Variants in TENM4 observed in about 807,000 individuals in gnomAD.
The protein encoded by TENM4 is teneurin-4.
A neutral mutation model predicts 243.3 loss-of-function variants in TENM4; 82 were observed. That is an observed-to-expected ratio of 0.34 (90% CI 0.28 to 0.40). The LOEUF (loss-of-function observed/expected upper bound fraction) is 0.40, where lower values mean the gene tolerates loss of function less well. Ranked by LOEUF, TENM4 falls within the 10% of genes least tolerant of loss-of-function variation. The pLI is 1.00. For synonymous variants in TENM4, 1,412 were observed against 1,456.3 expected, an observed-to-expected ratio of 0.97 and a Z score of 0.69; for missense variants, 3,138 against 3,673.3, an observed-to-expected ratio of 0.85 and a Z score of 3.77.
intron 6 of TENM4, among the ~76,000 whole-genome samples, chr11:79,034,491 A>G (rs149551901): frequency 2.8e-4 from 42 of 152,362 alleles, no homozygotes; most frequent in African/African-American, 1.0e-3. Flanking sequence ...AATTACAGAC[A>G]TTTTTAGCTT....
chr11:78,747,966 G>C (rs1405701397), intron 19 of TENM4, among the ~76,000 whole-genome samples: 3 of 152,172 alleles, frequency 2.0e-5, no homozygotes, highest in South Asian at 4.1e-4. Context: ...TGAGCCAGGG[G>C]CTCTCTCTGG....
chr11:78,759,815 A>C (rs573231389), intron 18 of TENM4, among the ~76,000 whole-genome samples: 1 of 152,366 alleles, frequency 6.6e-6, no homozygotes, highest in South Asian at 2.1e-4. Context: ...CCAGAGGCTC[A>C]AAGTGGTAAA....
intron 31 of TENM4, 65 bp from the exon 32 acceptor site, chr11:78,670,616 C>T (rs1858299174): frequency 2.7e-6 from 4 of 1,457,042 alleles, no homozygotes; most frequent in Non-Finnish European, 3.7e-6. Context: ...GGTCTACATA[C>T]CCGAGACTTA....
chr11:79,274,430 A>T (rs1856019315), intron 2 of TENM4, among the ~76,000 whole-genome samples: 1 of 152,236 alleles, frequency 6.6e-6, no homozygotes, highest in African/African-American at 2.4e-5. Flanking sequence ...CAAGTTGCTG[A>T]TTTGATCATC....
chr11:79,050,812 T>A (rs1859773003), intron 6 of TENM4, among the ~76,000 whole-genome samples: 1 of 151,338 alleles, frequency 6.6e-6, no homozygotes, highest in Non-Finnish European at 1.5e-5. Flanking sequence ...TGAGGGAGAG[T>A]TTCTTCCAGA....
At chr11:79,135,674 TATATC>T in intron 4 of TENM4, among the ~76,000 whole-genome samples, 1 of 138,622 alleles carries the variant, frequency 7.2e-6, no homozygotes, top group South Asian at 2.1e-4. Context: ...ACATATATGA[TATATC>T]ATATATGTAT....
chr11:78,833,401 C>T (rs1370074162), intron 12 of TENM4, among the ~76,000 whole-genome samples: 3 of 152,188 alleles, frequency 2.0e-5, no homozygotes, highest in South Asian at 2.1e-4. Context: ...AATGGAAAGG[C>T]GTCATTTTTT....
At chr11:79,397,902 C>A (rs1481954092) in intron 1 of TENM4, among the ~76,000 whole-genome samples, 2 of 152,144 alleles carry the variant, frequency 1.3e-5, no homozygotes, top group African/African-American at 4.8e-5. Context: ...GGAAAACAGT[C>A]TGGAAATGCC....
intron 6 of TENM4, among the ~76,000 whole-genome samples, chr11:78,937,452 C>T (rs1326871348): frequency 6.6e-6 from 1 of 152,204 alleles, no homozygotes; most frequent in African/African-American, 2.4e-5. Context: ...CATTAGCTAA[C>T]AAGTTAATGC....
At chr11:79,338,620 T>G (rs1284849766) in intron 1 of TENM4, among the ~76,000 whole-genome samples, 2 of 152,224 alleles carry the variant, frequency 1.3e-5, no homozygotes, top group Non-Finnish European at 2.9e-5. Context: ...CCTGAGGGTC[T>G]CACAGAAGCT....
At chr11:79,148,600 G>C (rs1438073462) in intron 4 of TENM4, 110 bp downstream of exon 4, 1 of 181,298 alleles carries the variant, frequency 5.5e-6, no homozygotes, top group East Asian at 1.9e-4. Flanking sequence ...TAAAATAAAT[G>C]AAGATAAAGT....
At chr11:79,372,154 A>T (rs545165585) in intron 1 of TENM4, among the ~76,000 whole-genome samples, 2 of 152,172 alleles carry the variant, frequency 1.3e-5, no homozygotes, top group Non-Finnish European at 2.9e-5. Context: ...TCATTACCCC[A>T]GCTTGTGATA....
At chr11:78,779,275 T>A (rs1540124) in intron 16 of TENM4, among the ~76,000 whole-genome samples, 4 of 152,196 alleles carry the variant, frequency 2.6e-5, no homozygotes, top group African/African-American at 9.7e-5. Context: ...TAAGATGCAT[T>A]CCTCCTTTGT....
chr11:79,019,354 G>T (rs972713971), intron 6 of TENM4, among the ~76,000 whole-genome samples: 2 of 152,056 alleles, frequency 1.3e-5, no homozygotes, highest in African/African-American at 4.8e-5. Context: ...GGGAATGGGG[G>T]AAGGAAAAAT....
At chr11:78,832,421 C>G (rs1160558329) in intron 12 of TENM4, among the ~76,000 whole-genome samples, 2 of 152,266 alleles carry the variant, frequency 1.3e-5, no homozygotes, top group African/African-American at 2.4e-5. Context: ...CTTTTGGGAG[C>G]AGCATAGTGC....
At chr11:78,688,952 A>T (rs543547542) in intron 28 of TENM4, among the ~76,000 whole-genome samples, 1 of 152,224 alleles carries the variant, frequency 6.6e-6, no homozygotes, top group Non-Finnish European at 1.5e-5. Flanking sequence ...AATAAAAGAA[A>T]TACCTACCAT....
chr11:78,859,154 G>A (rs1221189606), intron 10 of TENM4, among the ~76,000 whole-genome samples: 3 of 152,110 alleles, frequency 2.0e-5, no homozygotes, highest in Non-Finnish European at 2.9e-5. Context: ...ATCAGAGCTT[G>A]ACCAGGTAGA....
At chr11:79,224,056 T>A (rs1470581685) in intron 2 of TENM4, among the ~76,000 whole-genome samples, 2 of 152,234 alleles carry the variant, frequency 1.3e-5, no homozygotes, top group Non-Finnish European at 2.9e-5. Flanking sequence ...CTTGTCAGTC[T>A]GGGTCCCTGG....
At position 78,658,170 on chromosome 11, in the gene TENM4, C is replaced by T. The variant is rs185503085; in HGVS notation, c.8198G>A (p.Arg2733Gln). 1.1e-4 allele frequency: 172 copies of T among 1,614,022 alleles called. 1 individual carries two copies. The East Asian group carries it at 2.8e-3, about 26-fold the overall frequency. Residue 2733 changes from arginine to glutamine, a missense_variant, in exon 34 of 34, where the codon CGG (arginine) becomes CAG (glutamine). Transcript: ENST00000278550. Reference protein sequence around the residue: ...GEKQQVLSTGRVQGYDGFFVI... With the variant: ...GEKQQVLSTGQVQGYDGFFVI... The stretch of plus-strand genomic sequence containing the variant: ...GAAAAAGCCGTCGTAGCCTTGCACC[C>T]GCCCTGTGCTCAGCACCTGCTGCTT...
Sources: allele counts gnomAD v4.1 joint callset (sites outside exome capture counted in the v4.1 genomes callset), GRCh38; gene constraint gnomAD v4.1.1; transcripts MANE v1.5; gene names NCBI Gene and HGNC (gene_info 2026-07-23, HGNC 2026-07-21).